PLXNB1: variants seen among roughly 807,000 people sequenced by gnomAD.
The protein encoded by PLXNB1 is plexin-B1.
Under a neutral mutation model 209.4 loss-of-function variants are expected in PLXNB1, and 106 were observed. The observed-to-expected ratio is 0.51, with a 90% CI of 0.43 to 0.59. The LOEUF is 0.59. PLXNB1 is among the 20% of genes least tolerant of loss of function. The pLI is 0.00. For missense variants in PLXNB1, 2,357 were observed against 2,853.2 expected, an observed-to-expected ratio of 0.83 and a Z score of 3.96; for synonymous variants, 1,167 against 1,183.2, an observed-to-expected ratio of 0.99 and a Z score of 0.28.
In PLXNB1 at chr3:48,419,570, G is replaced by T; in HGVS notation, c.2709+7C>A. The T allele has an allele frequency of 5.0e-6, 8 of 1,601,684 alleles. No individual in the cohort carries two copies. Among genetic ancestry groups the T allele is most frequent in the Non-Finnish European group, 6.8e-6 (8 of 1,171,496 alleles). ...CCCTGAGGCCTCCTTCCTGGGCTGG[G>T]CCTCACCAGCTCCCAGAGCCCGGGG... is the stretch of plus-strand genomic sequence containing the variant. On this transcript the variant is annotated splice_region_variant and intron_variant, in intron 11 of 37. Transcript: ENST00000296440. This position sits in a 1 kb window ranked among gnomAD's most constrained non-coding sequence, Gnocchi z 5.7.
In PLXNB1 at chr3:48,413,377, A is replaced by G. The variant is rs548720805; in HGVS notation, c.4536-208T>C. 177 of 606,980 alleles carry G rather than the reference A, an allele frequency of 2.9e-4. No individual in the cohort carries two copies. The highest frequency in any genetic ancestry group is 4.7e-4 in the Non-Finnish European group (161 of 343,286). The allele number at this position is 606,980 out of a possible 1,614,324, so 37.6% of individuals were successfully genotyped here. A position where few individuals can be genotyped will look rare whatever the true frequency, so the allele number is the denominator to read the frequency against. The stretch of plus-strand genomic sequence containing the variant: ...TGCCCCGTCTAGCCCAGCACAGTTT[A>G]GCCTAGAGATCAGCCAACCACAACC... On this transcript the variant is annotated intron_variant, in intron 23 of 37. Coordinates refer to ENST00000296440, the MANE Select transcript of PLXNB1 (RefSeq NM_001130082.3). The surrounding 1 kb of genome is among the most constrained non-coding windows in gnomAD (Gnocchi z 5.4).
Position 48,409,862 on chromosome 3 carries a change from C to G in PLXNB1, c.5778+43G>C, listed in dbSNP as rs560605253. 4.4e-6 allele frequency: 7 copies of G among 1,585,366 alleles called. No homozygotes were observed. In the East Asian group the frequency reaches 1.6e-4, roughly 36 times the overall value. On this transcript the variant is annotated intron_variant, in intron 32 of 37. Transcript: ENST00000296440. This position sits in a 1 kb window ranked among gnomAD's most constrained non-coding sequence, Gnocchi z 5.8. ...CCCAAATCCCACGAGTGGCCATGCTCCCTCTCAGCCCAGGCCCCACTACCT... is the reference window on the plus strand; with the variant it reads ...CCCAAATCCCACGAGTGGCCATGCTGCCTCTCAGCCCAGGCCCCACTACCT...
chr3:48,405,929 G>A lies in PLXNB1; in HGVS notation c.6229-131C>T, dbSNP rs1560042627. On this transcript the variant is annotated intron_variant, in intron 36 of 37. Transcript: ENST00000296440. This position sits in a 1 kb window ranked among gnomAD's most constrained non-coding sequence, Gnocchi z 5.0. Reference sequence around the variant, plus strand: ...GGTAGAGAATGGGATGGGCACTACAGTGGGAAGCAGAGTCCCCTCCATGGC... The same window carrying A: ...GGTAGAGAATGGGATGGGCACTACAATGGGAAGCAGAGTCCCCTCCATGGC... 4.3e-6 allele frequency: 3 copies of A among 700,248 alleles called. No homozygotes were observed. Among genetic ancestry groups the A allele is most frequent in the Non-Finnish European group, 7.5e-6 (3 of 399,040 alleles). 43.4% of individuals were successfully genotyped at this position (700,248 alleles called of 1,614,324 possible).
intron 4 of PLXNB1, 118 bp from the exon 5 acceptor site, chr3:48,422,577 G>T: frequency 7.4e-7 from 1 of 1,347,946 alleles, no homozygotes; most frequent in Non-Finnish European, 1.0e-6. Context: ...GGCAGTCACA[G>T]GTCATACCAA....
chr3:48,409,198 G>T lies in PLXNB1; in HGVS notation c.6087+131C>A. On this transcript the variant is annotated intron_variant, in intron 34 of 37. Transcript: ENST00000296440. The surrounding 1 kb of genome is among the most constrained non-coding windows in gnomAD (Gnocchi z 5.8). ...AAAACTGAGGTGGCCCCGGGATGAA[G>T]CCTTGGCTTGGGAGGTCAGAGGTCT... 1 of 1,054,798 alleles carries T rather than the reference G, an allele frequency of 9.5e-7. No homozygotes were observed. The highest frequency in any genetic ancestry group is 1.4e-6 in the Non-Finnish European group (1 of 733,146). The allele number at this position is 1,054,798 out of a possible 1,614,324, so 65.3% of individuals were successfully genotyped here.
rs1410213986 is a variant in PLXNB1 at position 48,412,279 on chromosome 3, G to A, written c.5059C>T (p.Leu1687Phe). ...RRTETVVEKL[L>F]TNWMSICLYT... Reference sequence around the variant, plus strand: ...AGACAGATGGACATCCAGTTGGTGAGCAGCTTCTCCACCACAGTCTCTGTC... The same window carrying A: ...AGACAGATGGACATCCAGTTGGTGAACAGCTTCTCCACCACAGTCTCTGTC... Residue 1687 changes from leucine (L) to phenylalanine (F), a missense_variant, in exon 27 of 38, where the codon CTC becomes TTC. This residue lies in a region of PLXNB1 where 65 missense variants were observed against 127.6 expected (regional missense o/e 0.51). Coordinates refer to ENST00000296440, the MANE Select transcript of PLXNB1 (RefSeq NM_001130082.3). 2 of 1,614,114 alleles carry A rather than the reference G, an allele frequency of 1.2e-6. No individual in the cohort carries two copies. Among genetic ancestry groups the A allele is most frequent in the Non-Finnish European group, 1.7e-6 (2 of 1,180,028 alleles).
At chr3:48,407,570 G>T (rs539404623) in intron 34 of PLXNB1, among the ~76,000 whole-genome samples, 25 of 152,326 alleles carry the variant, frequency 1.6e-4, no homozygotes, top group African/African-American at 5.5e-4. Flanking sequence ...CAACTGAACT[G>T]GGTTCAAGTC....
chr3:48,422,995 T>A (rs1347894780), intron 3 of PLXNB1, 48 bp from the exon 4 acceptor site: 27 of 1,536,864 alleles, frequency 1.8e-5, no homozygotes, highest in Middle Eastern at 2.3e-4. Context: ...GATAACCTCC[T>A]CGGCCGCATC....
Position 48,421,267 on chromosome 3 carries a change from G to C in PLXNB1, c.1771C>G (p.Pro591Ala). The C allele has an allele frequency of 6.2e-7, 1 of 1,612,982 alleles. No homozygotes were observed. The highest frequency in any genetic ancestry group is 8.5e-7 in the Non-Finnish European group (1 of 1,179,498). The change falls in exon 8 of 38, where the codon CCA becomes GCA. Residue 591 changes from proline (P) to alanine (A), a missense_variant. Coordinates refer to ENST00000296440, the MANE Select transcript of PLXNB1 (RefSeq NM_001130082.3). ...AGCACTGGGGCCTCACTAGGGTCTG[G>C]GGAGGGGCACATCACACCAGAACCA... ...LTGSGVMCPS[P>A]DPSEAPVLPR...
Position 48,415,648 on chromosome 3 carries a change from G to C in PLXNB1, c.3729C>G (p.Arg1243=), listed in dbSNP as rs369653372. The C allele has an allele frequency of 6.3e-7, 1 of 1,577,770 alleles. No homozygotes were observed. The highest frequency in any genetic ancestry group is 1.2e-5 in the South Asian group (1 of 86,132). ...WFGATERRLQ[R]GQFKYTLDPN... ...GGTCCAAGGTATACTTGAACTGTCC[G>C]CGTTGAAGCCTCCGCTCCGTGGCCC... Residue 1243 remains arginine (R), a synonymous_variant, in exon 19 of 38, where the codon CGC becomes CGG. Transcript: ENST00000296440. The surrounding 1 kb of genome is among the most constrained non-coding windows in gnomAD (Gnocchi z 5.0).
Position 48,415,069 on chromosome 3 carries a change from G to A in PLXNB1, c.3967-28C>T, listed in dbSNP as rs1575391883. On this transcript the variant is annotated intron_variant, in intron 20 of 37. Coordinates refer to ENST00000296440, the MANE Select transcript of PLXNB1 (RefSeq NM_001130082.3). This position sits in a 1 kb window ranked among gnomAD's most constrained non-coding sequence, Gnocchi z 5.0. Reference sequence around the variant, plus strand: ...GGAAGGAAGACAGGCAGGTTGACGAGGGGCCAAGCAAAGATGGGAAGAGCC... The same window carrying A: ...GGAAGGAAGACAGGCAGGTTGACGAAGGGCCAAGCAAAGATGGGAAGAGCC... 2 of 1,610,242 alleles carry A rather than the reference G, an allele frequency of 1.2e-6. No individual in the cohort carries two copies. Among genetic ancestry groups the A allele is most frequent in the East Asian group, 2.2e-5 (1 of 44,800 alleles).
chr3:48,409,378 G>A lies in PLXNB1; in HGVS notation c.6038C>T (p.Ala2013Val). 6.2e-7 allele frequency: 1 copy of A among 1,614,210 alleles called. No homozygotes were observed. The highest frequency in any genetic ancestry group is 8.5e-7 in the Non-Finnish European group (1 of 1,180,046). Residue 2013 changes from alanine to valine, a missense_variant, in exon 34 of 38, where the codon GCA becomes GTA. By Grantham distance (64) the Ala-to-Val change is moderately conservative. Transcript: ENST00000296440. The surrounding 1 kb of genome is among the most constrained non-coding windows in gnomAD (Gnocchi z 5.8). ...DNMDAVLLVI[A>V]QTFMDACTLA... is the part of the protein sequence containing the mutation. ...GGTGCAGGCGTCCATGAAGGTCTGTGCAATGACAAGGAGCACCGCATCCAT... is the reference window on the plus strand; with the variant it reads ...GGTGCAGGCGTCCATGAAGGTCTGTACAATGACAAGGAGCACCGCATCCAT...
chr3:48,423,443 G>C (rs531849943), intron 3 of PLXNB1, 62 bp downstream of exon 3: 3 of 1,561,566 alleles, frequency 1.9e-6, no homozygotes, highest in South Asian at 2.4e-5. Context: ...CAGCTCCTTG[G>C]CTGCAAATGC....
chr3:48,411,162 A>C lies in PLXNB1; in HGVS notation c.5248-126T>G. The stretch of plus-strand genomic sequence containing the variant: ...ATCCCCACGCACCACACAATCCCTA[A>C]TTCTCGTCTCTTCACCTGCCTGCCT... On this transcript the variant is annotated intron_variant, in intron 28 of 37. Coordinates refer to ENST00000296440, the MANE Select transcript of PLXNB1 (RefSeq NM_001130082.3). This position sits in a 1 kb window ranked among gnomAD's most constrained non-coding sequence, Gnocchi z 4.0. 1 of 768,354 alleles carries C rather than the reference A, an allele frequency of 1.3e-6. No individual in the cohort carries two copies. The highest frequency in any genetic ancestry group is 2.0e-6 in the Non-Finnish European group (1 of 491,048). The allele number at this position is 768,354 out of a possible 1,614,324, so 47.6% of individuals were successfully genotyped here.
In PLXNB1 at chr3:48,410,024, C is replaced by T; in HGVS notation, c.5659G>A (p.Val1887Met). ...GGCTCCGGCTCATCACTTGGCTTCA[C>T]CAGGTGCCAGGGCCGGATGCCCCCC... ...DEGGIRPWHL[V>M]KPSDEPEPPR... The change falls in exon 32 of 38, where the codon GTG (valine) becomes ATG (methionine). Residue 1887 changes from valine to methionine, a missense_variant. By Grantham distance (21) the Val-to-Met change is conservative. Around this residue, in one of 7 missense-constraint regions of PLXNB1, gnomAD observed 414 missense variants for 520.5 expected, o/e 0.80. Transcript: ENST00000296440. This position sits in a 1 kb window ranked among gnomAD's most constrained non-coding sequence, Gnocchi z 6.4. 6.2e-7 allele frequency: 1 copy of T among 1,611,888 alleles called. No homozygotes were observed. Among genetic ancestry groups the T allele is most frequent in the Non-Finnish European group, 8.5e-7 (1 of 1,178,940 alleles).
Position 48,418,679 on chromosome 3 carries a change from G to A in PLXNB1, c.2956-137C>T. ...GGACCCCATGGGGCCACAAGTTGGA[G>A]GGCAGAGCCAGAAATGGAGTATGGG... On this transcript the variant is annotated intron_variant, in intron 13 of 37. Coordinates refer to ENST00000296440, the MANE Select transcript of PLXNB1 (RefSeq NM_001130082.3). The surrounding 1 kb of genome is among the most constrained non-coding windows in gnomAD (Gnocchi z 6.6). 2 of 891,858 alleles carry A rather than the reference G, an allele frequency of 2.2e-6. No homozygotes were observed. The highest frequency in any genetic ancestry group is 2.3e-5 in the Admixed American group (1 of 43,652). 55.2% of individuals were successfully genotyped at this position (891,858 alleles called of 1,614,324 possible).
intron 7 of PLXNB1, 52 bp from the exon 8 acceptor site, chr3:48,421,436 G>A: frequency 6.6e-7 from 1 of 1,504,572 alleles, no homozygotes; most frequent in Non-Finnish European, 8.9e-7. Flanking sequence ...AGCAGACCAG[G>A]GCTCACATTT....
intron 27 of PLXNB1, 44 bp from the exon 28 acceptor site, chr3:48,412,053 G>T: frequency 6.2e-7 from 1 of 1,606,984 alleles, no homozygotes. Context: ...AGGTGGCAGA[G>T]GTGTATGGGA....
rs777302793 is a variant in PLXNB1 at position 48,418,974 on chromosome 3, C to T, written c.2898G>A (p.Arg966=). 6.2e-7 allele frequency: 1 copy of T among 1,614,034 alleles called. No homozygotes were observed. The highest frequency in any genetic ancestry group is 1.1e-5 in the South Asian group (1 of 91,078). ...TATCTGGAGGTGGCTCACACTCGAC[C>T]CGGGCCTCAACCACCACCTCGAGGC... The part of the protein sequence containing the change: ...LEGLEVVVEA[R]VECEPPPDTQ... Residue 966 remains arginine (R), a synonymous_variant, in exon 13 of 38, where the codon CGG becomes CGA. Transcript: ENST00000296440. The surrounding 1 kb of genome is among the most constrained non-coding windows in gnomAD (Gnocchi z 6.6).
Sources: gnomAD v4.1 joint callset for allele counts (sites outside exome capture counted in the v4.1 genomes callset) on GRCh38, gnomAD v4.1.1 for gene constraint, gnomAD v4.1.1 regional missense constraint, Gnocchi (gnomAD v3.1) non-coding constraint, MANE v1.5 for transcripts, NCBI Gene and HGNC (gene_info 2026-07-23, HGNC 2026-07-21) for gene names.